The following KLRD1 variants were observed in gnomAD, a reference collection of about 807,000 sequenced individuals.
The protein encoded by KLRD1 is natural killer cells antigen CD94.
Under a neutral mutation model 22.6 loss-of-function variants are expected in KLRD1, and 21 were observed. The observed-to-expected ratio is 0.93, with a 90% CI of 0.66 to 1.34. The LOEUF (loss-of-function observed/expected upper bound fraction) is 1.34, where lower values mean the gene tolerates loss of function less well. Ranked by LOEUF, KLRD1 falls within the 40% of genes most tolerant of loss-of-function variation. KLRD1 has a pLI of 0.00. For synonymous variants in KLRD1, 59 were observed against 71.1 expected (o/e 0.83, Z 0.85); for missense variants, 183 against 208.6 (o/e 0.88, Z 0.76).
intron 1 of KLRD1, among the ~76,000 whole-genome samples, chr12:10,276,836 A>T (rs1278644860): frequency 6.6e-6 from 1 of 152,216 alleles, no homozygotes; most frequent in Admixed American, 6.5e-5. Context: ...AGAGAAGATG[A>T]AGTTTCTTTT....
At position 10,308,057 on chromosome 12, in the gene KLRD1, G is replaced by A. The variant is rs755576015; in HGVS notation, c.-21G>A. 58 of 1,609,654 alleles carry A rather than the reference G, an allele frequency of 3.6e-5. No homozygotes were observed. The highest frequency in any genetic ancestry group is 1.6e-4 in the Middle Eastern group (1 of 6,072). Reference sequence around the variant, plus strand: ...GTACACATCGTGCCTTCTCTACTTCGCTCTTGGAACATAATTTCTCATGGC... The same window carrying A: ...GTACACATCGTGCCTTCTCTACTTCACTCTTGGAACATAATTTCTCATGGC... On this transcript the variant is annotated 5_prime_UTR_variant, in exon 1 of 6. Coordinates refer to ENST00000336164, the MANE Select transcript of KLRD1 (RefSeq NM_002262.5).
chr12:10,311,338 G>A, intron 3 of KLRD1, 126 bp from the exon 4 acceptor site: 2 of 745,920 alleles, frequency 2.7e-6, no homozygotes, highest in East Asian at 2.7e-5. Context: ...CCCCTGAAGT[G>A]TGGTGTATAC....
chr12:10,291,185 CAG>C (rs1949766964), intron 1 of KLRD1, among the ~76,000 whole-genome samples: 1 of 152,202 alleles, frequency 6.6e-6, no homozygotes, highest in Admixed American at 6.5e-5. Context: ...GCTGAGCTTT[CAG>C]AGAGTCCTAG....
Position 10,325,678 on chromosome 12 carries a change from G to A in KLRD1, c.*10885G>A, listed in dbSNP as rs1057076858. On this transcript the variant is annotated 3_prime_UTR_variant, in exon 6 of 6. Coordinates refer to ENST00000336164, the MANE Select transcript of KLRD1 (RefSeq NM_002262.5). ...AATGTCCTCAAGTTTCATCCACATT[G>A]TTACATATTGCAGGATTTCATTTTT... 1 of 152,096 alleles carries A rather than the reference G, an allele frequency of 6.6e-6. No homozygotes were observed. Among genetic ancestry groups the A allele is most frequent in the African/African-American group, 2.4e-5 (1 of 41,398 alleles). The allele number at this position is 152,096 out of a possible 1,614,324, so 9.4% of individuals were successfully genotyped here. A position where few individuals can be genotyped will look rare whatever the true frequency, so the allele number is the denominator to read the frequency against.
upstream of KLRD1, among the ~76,000 whole-genome samples, chr12:10,304,801 AAC>A (rs1278819061): frequency 6.6e-6 from 1 of 152,218 alleles, no homozygotes. Context: ...TTGCAAGCAA[AAC>A]ACACTATATA....
At chr12:10,280,458 A>G (rs1401174577) in intron 1 of KLRD1, among the ~76,000 whole-genome samples, 2 of 152,170 alleles carry the variant, frequency 1.3e-5, no homozygotes, top group Non-Finnish European at 2.9e-5. Flanking sequence ...CTTTATTATT[A>G]ATTGCAAATA....
At chr12:10,258,959 C>A (rs1033261753) in intron 1 of KLRD1, among the ~76,000 whole-genome samples, 2 of 152,068 alleles carry the variant, frequency 1.3e-5, no homozygotes, top group Non-Finnish European at 2.9e-5. Flanking sequence ...TCATTTGTAG[C>A]AAAAGGAGCA....
intron 1 of KLRD1, among the ~76,000 whole-genome samples, chr12:10,288,259 A>G (rs1949729633): frequency 6.6e-6 from 1 of 150,420 alleles, no homozygotes; most frequent in South Asian, 2.1e-4. Flanking sequence ...AAAAAAAAAG[A>G]AAGATCAGTC....
In KLRD1 at chr12:10,323,809, A is replaced by G. The variant is rs1950333147; in HGVS notation, c.*9016A>G. ...CAGCATCATAATAGTTTTTATACTCATCTATGTTGATACATGTATCAATAG... is the reference window on the plus strand; with the variant it reads ...CAGCATCATAATAGTTTTTATACTCGTCTATGTTGATACATGTATCAATAG... On this transcript the variant is annotated 3_prime_UTR_variant, in exon 6 of 6. Transcript: ENST00000336164. 1 of 149,040 alleles carries G rather than the reference A, an allele frequency of 6.7e-6. No homozygotes were observed. The highest frequency in any genetic ancestry group is 2.5e-5 in the African/African-American group (1 of 40,638). The allele number at this position is 149,040 out of a possible 1,614,324, so 9.2% of individuals were successfully genotyped here.
rs1950228138 is a variant in KLRD1 at position 10,316,345 on chromosome 12, T to G, written c.*1552T>G. 6.6e-6 allele frequency: 1 copy of G among 152,164 alleles called. No homozygotes were observed. The highest frequency in any genetic ancestry group is 2.1e-4 in the South Asian group (1 of 4,828). 9.4% of individuals were successfully genotyped at this position (152,164 alleles called of 1,614,324 possible). ...TATGCCTACTGTACCCACATAATCC[T>G]AAAAATATGTTACAACTGCTACTTC... On this transcript the variant is annotated 3_prime_UTR_variant, in exon 6 of 6. Coordinates refer to ENST00000336164, the MANE Select transcript of KLRD1 (RefSeq NM_002262.5).
chr12:10,284,752 A>G (rs1413218668), intron 1 of KLRD1, among the ~76,000 whole-genome samples: 1 of 152,174 alleles, frequency 6.6e-6, no homozygotes, highest in African/African-American at 2.4e-5. Context: ...TGGGAGGCCA[A>G]GGCGGGCAGA....
Position 10,318,551 on chromosome 12 carries a change from A to G in KLRD1, c.*3758A>G, listed in dbSNP as rs1399088790. On this transcript the variant is annotated 3_prime_UTR_variant, in exon 6 of 6. Coordinates refer to ENST00000336164, the MANE Select transcript of KLRD1 (RefSeq NM_002262.5). The stretch of plus-strand genomic sequence containing the variant: ...GGTATCATATTCCTTTCACTTATTA[A>G]AAAGTTTTTCATGGCTGGGCGCGGT... 1 of 152,068 alleles carries G rather than the reference A, an allele frequency of 6.6e-6. No homozygotes were observed. Among genetic ancestry groups the G allele is most frequent in the East Asian group, 1.9e-4 (1 of 5,170 alleles). 9.4% of individuals were successfully genotyped at this position (152,068 alleles called of 1,614,324 possible).
At chr12:10,298,531 T>C (rs778732653) in intron 1 of KLRD1, among the ~76,000 whole-genome samples, 2 of 152,192 alleles carry the variant, frequency 1.3e-5, no homozygotes, top group Non-Finnish European at 2.9e-5. Flanking sequence ...AAACTGGCCA[T>C]AAACAAAATA....
At chr12:10,247,349 T>C (rs1035863980) in intron 1 of KLRD1, among the ~76,000 whole-genome samples, 1 of 152,160 alleles carries the variant, frequency 6.6e-6, no homozygotes, top group African/African-American at 2.4e-5. Context: ...ATTTAGTTAG[T>C]TGGTTAACAT....
At chr12:10,246,928 CTTTTCTTTTT>C (rs779726605) in intron 1 of KLRD1, among the ~76,000 whole-genome samples, 4,618 of 129,614 alleles carry the variant, frequency 0.036, 267 homozygotes, top group African/African-American at 0.13. Context: ...CTTTTCTTTT[CTTTTCTTTTT>C]TTTTTTTTTT....
intron 1 of KLRD1, 51 bp downstream of exon 1, chr12:10,308,135 T>G (rs2137688611): frequency 6.5e-7 from 1 of 1,535,386 alleles, no homozygotes; most frequent in Non-Finnish European, 9.0e-7. Context: ...AAGCTATTTC[T>G]TGGATTGGCT....
chr12:10,307,413 G>A (rs1376275130), upstream of KLRD1, among the ~76,000 whole-genome samples: 1 of 152,102 alleles, frequency 6.6e-6, no homozygotes, highest in African/African-American at 2.4e-5. Context: ...AGAACAGAGT[G>A]AGACATGGAA....
At chr12:10,239,182 G>A (rs1421121318) in intron 1 of KLRD1, among the ~76,000 whole-genome samples, 6 of 152,176 alleles carry the variant, frequency 3.9e-5, no homozygotes, top group African/African-American at 1.2e-4. Flanking sequence ...CTAATGGGCT[G>A]GTGGCCAAGG....
intron 1 of KLRD1, among the ~76,000 whole-genome samples, chr12:10,265,281 AC>A (rs1949488910): frequency 6.6e-6 from 1 of 152,204 alleles, no homozygotes. Context: ...GAGACATATG[AC>A]TTTATTATTA....
Sources: gnomAD v4.1 joint callset for allele counts (sites outside exome capture counted in the v4.1 genomes callset) on GRCh38, gnomAD v4.1.1 for gene constraint, MANE v1.5 for transcripts, NCBI Gene and HGNC (gene_info 2026-07-23, HGNC 2026-07-21) for gene names.